Variants in AUTS2 observed in about 807,000 individuals in gnomAD.
The protein encoded by AUTS2 is autism susceptibility gene 2 protein.
AUTS2 carries 17 observed loss-of-function variants against 112.4 expected under a neutral mutation model. That is an observed-to-expected ratio of 0.15 (90% CI 0.10 to 0.23). AUTS2 has a LOEUF of 0.23. AUTS2 is among the 10% of genes least tolerant of loss of function. The probability of loss-of-function intolerance (pLI) is 1.00; values close to 1 mark genes in which losing one functional copy is unlikely to be tolerated. For missense variants in AUTS2, 1,510 were observed against 1,701.6 expected, an observed-to-expected ratio of 0.89 and a Z score of 1.98; for synonymous variants, 751 against 702.7, an observed-to-expected ratio of 1.07 and a Z score of -1.09.
At chr7:70,774,164 A>G in intron 12 of AUTS2, 65 bp downstream of exon 12, 2 of 1,457,728 alleles carry the variant, frequency 1.4e-6, no homozygotes, top group Admixed American at 3.4e-5. Flanking sequence ...CGGGACGGCC[A>G]GCCCAGTGCT....
chr7:70,025,302 A>G (rs1800463301), intron 2 of AUTS2, among the ~76,000 whole-genome samples: 1 of 152,116 alleles, frequency 6.6e-6, no homozygotes, highest in Non-Finnish European at 1.5e-5. Context: ...TGTAGAGCTC[A>G]AGGTTCAAAC....
chr7:70,167,121 G>A (rs1808423781), intron 4 of AUTS2, among the ~76,000 whole-genome samples: 1 of 152,208 alleles, frequency 6.6e-6, no homozygotes, highest in African/African-American at 2.4e-5. Flanking sequence ...AGCTACTCTG[G>A]AGGCTGAGGC....
chr7:69,882,265 G>GGAGTTTGAGACCAGC (rs1374881601), intron 1 of AUTS2, among the ~76,000 whole-genome samples: 7 of 151,740 alleles, frequency 4.6e-5, no homozygotes, highest in Admixed American at 4.6e-4. Flanking sequence ...TGCTTGCTCA[G>GGAGTTTGAGACCAGC]GAGTTTGAGA....
At chr7:70,278,542 A>T (rs972922675) in intron 4 of AUTS2, among the ~76,000 whole-genome samples, 1 of 152,128 alleles carries the variant, frequency 6.6e-6, no homozygotes, top group South Asian at 2.1e-4. Flanking sequence ...GTGTCACTGC[A>T]CTCCAGCCTG....
chr7:69,933,184 T>C (rs959388015), intron 2 of AUTS2, among the ~76,000 whole-genome samples: 3 of 152,220 alleles, frequency 2.0e-5, no homozygotes, highest in African/African-American at 7.2e-5. Context: ...CTAATCAAAG[T>C]ACTGTTACAT....
intron 2 of AUTS2, among the ~76,000 whole-genome samples, chr7:70,097,136 G>A (rs184758125): frequency 6.6e-6 from 1 of 152,340 alleles, no homozygotes. Context: ...TATAAGAACA[G>A]TCATTATTTA....
intron 1 of AUTS2, among the ~76,000 whole-genome samples, chr7:69,806,363 G>T (rs7809321): frequency 0.35 from 53,076 of 151,414 alleles, 9,663 homozygotes; most frequent in African/African-American, 0.46. Context: ...TAGCTTATTT[G>T]TGTTGAGTGC....
chr7:70,149,668 C>T (rs938366198), intron 4 of AUTS2, among the ~76,000 whole-genome samples: 4 of 151,848 alleles, frequency 2.6e-5, no homozygotes, highest in African/African-American at 9.7e-5. Flanking sequence ...AAATAAAAAG[C>T]AAAACGATGA....
At chr7:70,449,958 A>G (rs548435252) in intron 5 of AUTS2, among the ~76,000 whole-genome samples, 2 of 152,340 alleles carry the variant, frequency 1.3e-5, no homozygotes, top group African/African-American at 2.4e-5. Context: ...AGGAATGTCA[A>G]TTAGTAAATT....
chr7:70,422,812 A>G (rs138672294), intron 4 of AUTS2, among the ~76,000 whole-genome samples: 28 of 152,252 alleles, frequency 1.8e-4, no homozygotes, highest in Admixed American at 6.5e-4. Context: ...TTTCATAGAC[A>G]CATTCAGACA....
At chr7:70,019,467 T>G (rs1038577482) in intron 2 of AUTS2, among the ~76,000 whole-genome samples, 7 of 152,206 alleles carry the variant, frequency 4.6e-5, no homozygotes, top group African/African-American at 1.7e-4. Flanking sequence ...TAAAAACAAT[T>G]TCTGTGGTTG....
chr7:70,673,078 A>G (rs1807728682), intron 5 of AUTS2, among the ~76,000 whole-genome samples: 1 of 152,206 alleles, frequency 6.6e-6, no homozygotes, highest in Non-Finnish European at 1.5e-5. Flanking sequence ...CACTAATCAG[A>G]CTTCAGGGAA....
intron 4 of AUTS2, among the ~76,000 whole-genome samples, chr7:70,155,138 T>C (rs905050736): frequency 2.0e-5 from 3 of 152,166 alleles, no homozygotes; most frequent in Non-Finnish European, 4.4e-5. Flanking sequence ...GGCACTGTTA[T>C]GGTGGTATGT....
At chr7:70,349,669 TC>T (rs1791660946) in intron 4 of AUTS2, among the ~76,000 whole-genome samples, 1 of 152,144 alleles carries the variant, frequency 6.6e-6, no homozygotes, top group East Asian at 1.9e-4. Flanking sequence ...TTTTTTTTTT[TC>T]TTCACATGGT....
intron 1 of AUTS2, among the ~76,000 whole-genome samples, chr7:69,800,369 C>T (rs1342924590): frequency 1.3e-5 from 2 of 152,164 alleles, no homozygotes; most frequent in African/African-American, 4.8e-5. Flanking sequence ...AGCGGTTGAG[C>T]TGGTAGAAAT....
intron 2 of AUTS2, among the ~76,000 whole-genome samples, chr7:70,022,815 A>C (rs1323842021): frequency 6.6e-6 from 1 of 152,082 alleles, no homozygotes; most frequent in Non-Finnish European, 1.5e-5. Flanking sequence ...ACATTTGTAC[A>C]GGCAACCCTC....
chr7:70,322,931 T>C (rs1467496653), intron 4 of AUTS2, among the ~76,000 whole-genome samples: 1 of 152,326 alleles, frequency 6.6e-6, no homozygotes, highest in East Asian at 1.9e-4. Flanking sequence ...CTCAGCACTT[T>C]ACATGTGTTG....
intron 1 of AUTS2, among the ~76,000 whole-genome samples, chr7:69,608,170 G>A (rs1024548814): frequency 5.3e-5 from 8 of 152,304 alleles, no homozygotes; most frequent in Middle Eastern, 3.4e-3. Context: ...CTGGGCTCAA[G>A]CAATCCACCC....
intron 5 of AUTS2, among the ~76,000 whole-genome samples, chr7:70,683,813 G>A (rs952412557): frequency 1.3e-5 from 2 of 152,192 alleles, no homozygotes; most frequent in Non-Finnish European, 2.9e-5. Context: ...TACAAACTGT[G>A]CTAATTTGAT....
Sources: gnomAD v4.1 joint callset for allele counts (sites outside exome capture counted in the v4.1 genomes callset) on GRCh38, gnomAD v4.1.1 for gene constraint, MANE v1.5 for transcripts, NCBI Gene and HGNC (gene_info 2026-07-23, HGNC 2026-07-21) for gene names.